Variants in GTF3C4 observed in about 807,000 individuals in gnomAD.
GTF3C4 encodes the protein general transcription factor IIIC subunit 4, also known as general transcription factor 3C polypeptide 4.
In GTF3C4, 28 loss-of-function variants were observed where a neutral mutation model predicts 67.5. The ratio of observed to expected loss-of-function variants is 0.41; its 90% CI spans 0.31 to 0.57. GTF3C4 has a LOEUF of 0.57. Ranked by LOEUF, GTF3C4 falls within the 20% of genes least tolerant of loss-of-function variation. The pLI is 0.21. For missense variants in GTF3C4, 831 were observed against 1,033.2 expected (o/e 0.80, Z 2.68); for synonymous variants, 409 against 393.0 (o/e 1.04, Z -0.48).
Position 132,694,037 on chromosome 9 carries a change from CAT to C in GTF3C4, c.*5094_*5095del, listed in dbSNP as rs1354747378. Reference sequence around the variant, plus strand: ...AATAAACAGAACAGTCATCTAAAAACATAAGGTTTTGGAAAGGAGATGCTTTT... The same window carrying C: ...AATAAACAGAACAGTCATCTAAAAACAAGGTTTTGGAAAGGAGATGCTTTT... On this transcript the variant is annotated 3_prime_UTR_variant, in exon 5 of 5. Transcript: ENST00000372146. 2 of 151,666 alleles carry C rather than the reference CAT, an allele frequency of 1.3e-5. No homozygotes were observed. Among genetic ancestry groups the C allele is most frequent in the African/African-American group, 4.8e-5 (2 of 41,238 alleles). The allele number at this position is 151,666 out of a possible 1,614,324, so 9.4% of individuals were successfully genotyped here.
chr9:132,679,203 T>C lies in GTF3C4; in HGVS notation c.1584T>C (p.Ser528=). The C allele has an allele frequency of 1.2e-6, 2 of 1,614,198 alleles. No homozygotes were observed. Among genetic ancestry groups the C allele is most frequent in the South Asian group, 2.2e-5 (2 of 91,076 alleles). The change falls in exon 2 of 5, where the codon TCT becomes TCC. Residue 528 remains serine, a synonymous_variant. Coordinates refer to ENST00000372146, the MANE Select transcript of GTF3C4 (RefSeq NM_012204.4). This position sits in a 1 kb window ranked among gnomAD's most constrained non-coding sequence, Gnocchi z 5.9. Reference sequence around the variant, plus strand: ...AGGCAGCTGCTCAGCTCCTGGAATCTTCAGTTCAAAACCTTTTTAAGCAGG... The same window carrying C: ...AGGCAGCTGCTCAGCTCCTGGAATCCTCAGTTCAAAACCTTTTTAAGCAGG... ...FEEAAAQLLE[S]SVQNLFKQVD... is the part of the protein sequence containing the mutation.
chr9:132,691,974 T>G lies in GTF3C4; in HGVS notation c.*3029T>G, dbSNP rs184951694. On this transcript the variant is annotated 3_prime_UTR_variant, in exon 5 of 5. Transcript: ENST00000372146. ...GGTATCAAATAAGATGCAAAAGAAG[T>G]TGATGCTTATTGGTGCTTAAGAGAA... is the stretch of plus-strand genomic sequence containing the variant. The G allele has an allele frequency of 6.6e-6, 1 of 152,354 alleles. No individual in the cohort carries two copies. Among genetic ancestry groups the G allele is most frequent in the East Asian group, 1.9e-4 (1 of 5,184 alleles). 9.4% of individuals were successfully genotyped at this position (152,354 alleles called of 1,614,324 possible).
chr9:132,688,130 C>G (rs1405669377), intron 4 of GTF3C4, among the ~76,000 whole-genome samples: 1 of 152,178 alleles, frequency 6.6e-6, no homozygotes, highest in African/African-American at 2.4e-5. Flanking sequence ...CAATCATACA[C>G]AAAAGGAAAG....
At chr9:132,671,517 T>TC (rs921513237) in intron 1 of GTF3C4, among the ~76,000 whole-genome samples, 8 of 152,232 alleles carry the variant, frequency 5.3e-5, no homozygotes, top group Non-Finnish European at 1.0e-4. Context: ...AAATACTGGA[T>TC]CTCGGGGTTT....
intron 4 of GTF3C4, 118 bp from the exon 5 acceptor site, chr9:132,688,763 G>A (rs375858766): frequency 5.3e-6 from 4 of 758,786 alleles, no homozygotes; most frequent in Middle Eastern, 2.4e-4. Flanking sequence ...ATATGTAGCT[G>A]GTTTATTGCA....
At chr9:132,677,686 A>G (rs1835881955) in intron 1 of GTF3C4, among the ~76,000 whole-genome samples, 1 of 152,254 alleles carries the variant, frequency 6.6e-6, no homozygotes, top group Non-Finnish European at 1.5e-5. Flanking sequence ...AAGGACCTAA[A>G]GCTGGCATTT....
intron 1 of GTF3C4, among the ~76,000 whole-genome samples, chr9:132,676,943 A>G (rs1482663530): frequency 6.6e-6 from 1 of 152,212 alleles, no homozygotes; most frequent in Non-Finnish European, 1.5e-5. Context: ...CTCTAAAGAC[A>G]GTGGATAAAG....
At position 132,678,863 on chromosome 9, in the gene GTF3C4, A is replaced by G; in HGVS notation, c.1244A>G (p.Asn415Ser). ...TCCAAAGCAGGGCTGAATGTTCACAATTCCCATGTCACAGGCCTTCACTCA... is the reference window on the plus strand; with the variant it reads ...TCCAAAGCAGGGCTGAATGTTCACAGTTCCCATGTCACAGGCCTTCACTCA... ...LISKAGLNVHNSHVTGLHSLP... is the reference protein window; with the variant it reads ...LISKAGLNVHSSHVTGLHSLP... The change falls in exon 2 of 5, where the codon AAT (asparagine) becomes AGT (serine). Residue 415 changes from asparagine (N) to serine (S), a missense_variant. By Grantham distance (46) the Asn-to-Ser change is conservative. Transcript: ENST00000372146. This position sits in a 1 kb window ranked among gnomAD's most constrained non-coding sequence, Gnocchi z 6.5. The G allele has an allele frequency of 3.7e-6, 6 of 1,614,172 alleles. No individual in the cohort carries two copies. Among genetic ancestry groups the G allele is most frequent in the Non-Finnish European group, 4.2e-6 (5 of 1,180,018 alleles).
At position 132,678,853 on chromosome 9, in the gene GTF3C4, A is replaced by C; in HGVS notation, c.1234A>C (p.Asn412His). 1 of 1,614,188 alleles carries C rather than the reference A, an allele frequency of 6.2e-7. No homozygotes were observed. Among genetic ancestry groups the C allele is most frequent in the East Asian group, 2.2e-5 (1 of 44,888 alleles). Residue 412 changes from asparagine (N) to histidine (H), a missense_variant, in exon 2 of 5, where the codon AAT (asparagine) becomes CAT (histidine). By Grantham distance (68) the Asn-to-His change is moderately conservative. Transcript: ENST00000372146. The surrounding 1 kb of genome is among the most constrained non-coding windows in gnomAD (Gnocchi z 6.5). Reference protein sequence around the residue: ...CLLLISKAGLNVHNSHVTGLH... With the variant: ...CLLLISKAGLHVHNSHVTGLH... ...TCTTCTGATCTCCAAAGCAGGGCTGAATGTTCACAATTCCCATGTCACAGG... is the reference window on the plus strand; with the variant it reads ...TCTTCTGATCTCCAAAGCAGGGCTGCATGTTCACAATTCCCATGTCACAGG...
chr9:132,686,995 C>T (rs764234502), intron 3 of GTF3C4, among the ~76,000 whole-genome samples: 2 of 152,148 alleles, frequency 1.3e-5, no homozygotes, highest in Admixed American at 1.3e-4. Flanking sequence ...TTTTCTGATG[C>T]TCAAACAGGA....
intron 4 of GTF3C4, among the ~76,000 whole-genome samples, chr9:132,687,945 C>G (rs938973623): frequency 6.6e-6 from 1 of 152,204 alleles, no homozygotes; most frequent in Admixed American, 6.5e-5. Flanking sequence ...ACAGAATATA[C>G]AATTTTATAT....
intron 1 of GTF3C4, 23 bp downstream of exon 1, chr9:132,670,978 T>G (rs1835727904): frequency 1.3e-6 from 2 of 1,507,326 alleles, no homozygotes; most frequent in South Asian, 2.2e-5. Context: ...CCGCCATCCC[T>G]GGGGTCTTCC....
chr9:132,680,448 C>T (rs571099110), intron 2 of GTF3C4, among the ~76,000 whole-genome samples: 8 of 152,286 alleles, frequency 5.3e-5, no homozygotes, highest in African/African-American at 1.2e-4. Flanking sequence ...TTGTGTAGCT[C>T]GGTATTACTC....
chr9:132,670,087 G>A, upstream of GTF3C4: 1 of 1,562,586 alleles, frequency 6.4e-7, no homozygotes, highest in Non-Finnish European at 8.7e-7. Context: ...AGGGGAGCCG[G>A]GGACGGCGGC....
At chr9:132,687,353 G>T in intron 4 of GTF3C4, 26 bp downstream of exon 4, 2 of 1,039,334 alleles carry the variant, frequency 1.9e-6, no homozygotes, top group South Asian at 2.5e-5. Context: ...TACTTGGGAG[G>T]GTGGGTGGGT....
intron 3 of GTF3C4, among the ~76,000 whole-genome samples, chr9:132,685,290 G>A (rs1042984144): frequency 3.9e-5 from 6 of 151,986 alleles, no homozygotes; most frequent in African/African-American, 1.5e-4. Context: ...CAGAGTGCTG[G>A]AACTACAGGC....
intron 1 of GTF3C4, among the ~76,000 whole-genome samples, chr9:132,671,274 A>G (rs935247818): frequency 6.6e-6 from 1 of 151,992 alleles, no homozygotes; most frequent in Non-Finnish European, 1.5e-5. Context: ...GGGTTACTCG[A>G]TGGTGCTTTC....
In GTF3C4 at chr9:132,690,771, G is replaced by A. The variant is rs1836104059; in HGVS notation, c.*1826G>A. 6.6e-6 allele frequency: 1 copy of A among 152,128 alleles called. No individual in the cohort carries two copies. The highest frequency in any genetic ancestry group is 2.4e-5 in the African/African-American group (1 of 41,444). 9.4% of individuals were successfully genotyped at this position (152,128 alleles called of 1,614,324 possible). A position where few individuals can be genotyped will look rare whatever the true frequency, so the allele number is the denominator to read the frequency against. Reference sequence around the variant, plus strand: ...ATGGTGGAAGTCATTTGTGTCTGCAGCTGTTTTTTCACTTTACAATAAATA... The same window carrying A: ...ATGGTGGAAGTCATTTGTGTCTGCAACTGTTTTTTCACTTTACAATAAATA... On this transcript the variant is annotated 3_prime_UTR_variant, in exon 5 of 5. Coordinates refer to ENST00000372146, the MANE Select transcript of GTF3C4 (RefSeq NM_012204.4).
In GTF3C4 at chr9:132,679,654, G is replaced by C. The variant is rs1835912971; in HGVS notation, c.2035G>C (p.Val679Leu). Residue 679 changes from valine (V) to leucine (L), a missense_variant, in exon 2 of 5, where the codon GTG becomes CTG. This residue lies in a region of GTF3C4 where 129 missense variants were observed against 213.8 expected (regional missense o/e 0.60). Coordinates refer to ENST00000372146, the MANE Select transcript of GTF3C4 (RefSeq NM_012204.4). The surrounding 1 kb of genome is among the most constrained non-coding windows in gnomAD (Gnocchi z 5.9). ...LLEIQGKIEA[V>L]EMHLTREHMK... ...GGAAATCCAAGGGAAAATCGAAGCT[G>C]TGGAGATGCACTTGACCAGGGAACA... The C allele has an allele frequency of 6.2e-7, 1 of 1,614,098 alleles. No homozygotes were observed. Among genetic ancestry groups the C allele is most frequent in the Admixed American group, 1.7e-5 (1 of 60,004 alleles).
Sources: allele counts gnomAD v4.1 joint callset (sites outside exome capture counted in the v4.1 genomes callset), GRCh38; gene constraint gnomAD v4.1.1; regional missense constraint gnomAD v4.1.1; non-coding constraint Gnocchi (gnomAD v3.1); transcripts MANE v1.5; gene names NCBI Gene and HGNC (gene_info 2026-07-23, HGNC 2026-07-21).